BABAM2: variants seen among roughly 807,000 people sequenced by gnomAD.
BABAM2 encodes the protein BRISC and BRCA1 A complex member 2.
BABAM2 carries 31 observed loss-of-function variants against 54.7 expected under a neutral mutation model. The observed-to-expected ratio is 0.57, with a 90% CI of 0.43 to 0.77. The LOEUF is 0.77. BABAM2 is among the 30% of genes least tolerant of loss of function. The probability of loss-of-function intolerance (pLI) is 0.00; values close to 1 mark genes in which losing one functional copy is unlikely to be tolerated. For synonymous variants in BABAM2, 167 were observed against 162.9 expected (o/e 1.03, Z -0.19); for missense variants, 364 against 455.8 (o/e 0.80, Z 1.83).
At chr2:28,237,179 C>G in intron 7 of BABAM2, 23 bp from the exon 8 acceptor site, 1 of 1,591,222 alleles carries the variant, frequency 6.3e-7, no homozygotes, top group South Asian at 1.1e-5. Flanking sequence ...AGAGAAGTGT[C>G]CATTGTACTC....
intron 2 of BABAM2, among the ~76,000 whole-genome samples, chr2:27,900,693 C>T (rs1051041517): frequency 2.0e-5 from 3 of 151,872 alleles, no homozygotes; most frequent in African/African-American, 7.2e-5. Context: ...GTATTGCTTA[C>T]TTTCTGTTAT....
intron 8 of BABAM2, among the ~76,000 whole-genome samples, chr2:28,241,114 C>T (rs553293340): frequency 3.9e-5 from 6 of 152,096 alleles, no homozygotes; most frequent in African/African-American, 1.4e-4. Context: ...TCTCTCATTT[C>T]CTTTGAAGTG....
intron 11 of BABAM2, among the ~76,000 whole-genome samples, chr2:28,320,912 G>A (rs536474872): frequency 1.5e-4 from 23 of 152,284 alleles, no homozygotes; most frequent in African/African-American, 5.1e-4. Context: ...CATGATTGTT[G>A]CTTGGATTAA....
intron 2 of BABAM2, among the ~76,000 whole-genome samples, chr2:27,920,275 T>C (rs1667256367): frequency 6.6e-6 from 1 of 152,192 alleles, no homozygotes; most frequent in Non-Finnish European, 1.5e-5. Flanking sequence ...GGTATAATTA[T>C]AGCCCTTTCA....
intron 3 of BABAM2, among the ~76,000 whole-genome samples, chr2:27,973,136 G>C (rs911656987): frequency 2.0e-5 from 3 of 151,800 alleles, no homozygotes; most frequent in Non-Finnish European, 4.4e-5. Flanking sequence ...CTCTCTCATT[G>C]GTTATAATTT....
At chr2:28,069,248 G>C (rs1394402954) in intron 6 of BABAM2, among the ~76,000 whole-genome samples, 3 of 152,040 alleles carry the variant, frequency 2.0e-5, no homozygotes, top group Non-Finnish European at 4.4e-5. Flanking sequence ...TACTTACTTG[G>C]TATTAGGAAA....
At chr2:28,255,575 G>C (rs1280568686) in intron 10 of BABAM2, among the ~76,000 whole-genome samples, 1 of 152,118 alleles carries the variant, frequency 6.6e-6, no homozygotes, top group East Asian at 1.9e-4. Flanking sequence ...GCACCCAGCT[G>C]CCATCCAGTC....
chr2:28,268,509 C>A (rs541195841), intron 10 of BABAM2, among the ~76,000 whole-genome samples: 1 of 152,214 alleles, frequency 6.6e-6, no homozygotes, highest in South Asian at 2.1e-4. Flanking sequence ...TACAAGTATT[C>A]TTTGGTATGT....
At chr2:28,193,973 A>G (rs572288574) in intron 7 of BABAM2, among the ~76,000 whole-genome samples, 1 of 152,296 alleles carries the variant, frequency 6.6e-6, no homozygotes, top group East Asian at 1.9e-4. Flanking sequence ...GAGGAAAAGC[A>G]TGAGGGGCTC....
intron 3 of BABAM2, among the ~76,000 whole-genome samples, chr2:27,957,808 C>T (rs1394670170): frequency 6.6e-6 from 1 of 152,090 alleles, no homozygotes; most frequent in Non-Finnish European, 1.5e-5. Context: ...GAATATGATG[C>T]TTATTATGCC....
chr2:27,971,636 G>C (rs1455432796), intron 3 of BABAM2, among the ~76,000 whole-genome samples: 6 of 151,240 alleles, frequency 4.0e-5, no homozygotes, highest in African/African-American at 1.2e-4. Flanking sequence ...AATCAAGGGT[G>C]TGTGAATGTG....
chr2:28,233,911 C>G (rs535332383), intron 7 of BABAM2, among the ~76,000 whole-genome samples: 1 of 152,106 alleles, frequency 6.6e-6, no homozygotes, highest in Non-Finnish European at 1.5e-5. Flanking sequence ...AAATTGTAAA[C>G]GGAGATGAGC....
At chr2:28,091,241 T>C (rs1666129403) in intron 6 of BABAM2, among the ~76,000 whole-genome samples, 1 of 152,178 alleles carries the variant, frequency 6.6e-6, no homozygotes, top group South Asian at 2.1e-4. Flanking sequence ...TTTTAAATGA[T>C]GCGAAAAAAA....
At chr2:28,132,328 C>CG (rs1189805489) in intron 7 of BABAM2, among the ~76,000 whole-genome samples, 5 of 151,844 alleles carry the variant, frequency 3.3e-5, no homozygotes, top group African/African-American at 1.2e-4. Context: ...TTAGTAGAGA[C>CG]GGGGTTTCAC....
At chr2:28,243,524 T>G (rs1358514892) in intron 9 of BABAM2, among the ~76,000 whole-genome samples, 1 of 150,700 alleles carries the variant, frequency 6.6e-6, no homozygotes, top group Admixed American at 6.6e-5. Flanking sequence ...AGAGCTAGAC[T>G]CCATCTCAAA....
intron 6 of BABAM2, among the ~76,000 whole-genome samples, chr2:28,128,794 G>T (rs1669788267): frequency 6.6e-6 from 1 of 152,056 alleles, no homozygotes. Flanking sequence ...CTTGTCATTT[G>T]CTTGTATGGT....
chr2:28,144,247 ATCT>A (rs747700173), intron 7 of BABAM2, among the ~76,000 whole-genome samples: 7 of 152,206 alleles, frequency 4.6e-5, no homozygotes, highest in Admixed American at 3.9e-4. Context: ...CAACATCAAC[ATCT>A]TCTTCTGAAT....
intron 7 of BABAM2, among the ~76,000 whole-genome samples, chr2:28,178,157 A>T (rs1411326632): frequency 6.6e-6 from 1 of 152,196 alleles, no homozygotes; most frequent in Non-Finnish European, 1.5e-5. Flanking sequence ...CCTAACAGAC[A>T]TCTACGGTAT....
intron 10 of BABAM2, among the ~76,000 whole-genome samples, chr2:28,245,146 G>C (rs948811616): frequency 7.2e-5 from 11 of 151,980 alleles, no homozygotes; most frequent in African/African-American, 2.7e-4. Context: ...AATGGGTAGA[G>C]GTCAGTGATG....
Sources: gnomAD v4.1 joint callset for allele counts (sites outside exome capture counted in the v4.1 genomes callset) on GRCh38, gnomAD v4.1.1 for gene constraint, MANE v1.5 for transcripts, NCBI Gene and HGNC (gene_info 2026-07-23, HGNC 2026-07-21) for gene names.